The following GRM7 variants were observed in gnomAD, a reference collection of about 807,000 sequenced individuals.
GRM7 encodes glutamate metabotropic receptor 7, also known as metabotropic glutamate receptor 7.
A neutral mutation model predicts 84.5 loss-of-function variants in GRM7; 35 were observed. The observed-to-expected ratio is 0.41, with a 90% CI of 0.32 to 0.55. The LOEUF is 0.55. Ranked by LOEUF, GRM7 falls within the 20% of genes least tolerant of loss-of-function variation. The probability of loss-of-function intolerance (pLI) is 0.19; values close to 1 mark genes in which losing one functional copy is unlikely to be tolerated. For synonymous variants in GRM7, 487 were observed against 455.1 expected (o/e 1.07, Z -0.89); for missense variants, 1,003 against 1,194.6 (o/e 0.84, Z 2.36).
At chr3:7,662,947 C>T (rs538067908) in intron 8 of GRM7, among the ~76,000 whole-genome samples, 4 of 152,266 alleles carry the variant, frequency 2.6e-5, no homozygotes, top group African/African-American at 9.6e-5. Context: ...TGTGTCTTTT[C>T]TGAGAGATGC....
intron 1 of GRM7, among the ~76,000 whole-genome samples, chr3:7,058,718 A>AG (rs1697320677): frequency 6.6e-6 from 1 of 151,868 alleles, no homozygotes; most frequent in Admixed American, 6.6e-5. Flanking sequence ...TACCGAACAA[A>AG]GGAGACAGGG....
intron 1 of GRM7, among the ~76,000 whole-genome samples, chr3:7,077,895 A>G (rs1265432106): frequency 6.6e-6 from 1 of 152,146 alleles, no homozygotes; most frequent in Non-Finnish European, 1.5e-5. Context: ...TAATATGACA[A>G]TACAGTGCTA....
In GRM7 at chr3:6,861,787, C is replaced by T. The variant is rs570680005; in HGVS notation, c.399C>T (p.Asp133=). ...CGCTCATCCAGAAGGACACCTCCGA[C>T]GTGCGCTGCACCAACGGCGAACCGC... ...VQALIQKDTS[D]VRCTNGEPPV... The change falls in exon 1 of 10, where the codon GAC becomes GAT. Residue 133 remains aspartate, a synonymous_variant. Transcript: ENST00000357716. This position sits in a 1 kb window ranked among gnomAD's most constrained non-coding sequence, Gnocchi z 6.4. The T allele has an allele frequency of 1.2e-6, 2 of 1,614,104 alleles. No individual in the cohort carries two copies. Among genetic ancestry groups the T allele is most frequent in the Non-Finnish European group, 8.5e-7 (1 of 1,180,054 alleles).
intron 4 of GRM7, among the ~76,000 whole-genome samples, chr3:7,344,566 T>C (rs898364571): frequency 6.6e-6 from 1 of 152,194 alleles, no homozygotes; most frequent in Non-Finnish European, 1.5e-5. Context: ...GAAATGCCTA[T>C]GCAGATAATT....
intron 1 of GRM7, among the ~76,000 whole-genome samples, chr3:6,886,391 T>G (rs1358134178): frequency 1.3e-5 from 2 of 152,128 alleles, no homozygotes; most frequent in Non-Finnish European, 2.9e-5. Context: ...AAATACCTAA[T>G]GTAAATGATG....
chr3:7,240,523 T>G (rs1335609558), intron 2 of GRM7, among the ~76,000 whole-genome samples: 1 of 152,176 alleles, frequency 6.6e-6, no homozygotes, highest in East Asian at 1.9e-4. Flanking sequence ...TAAGATATGG[T>G]TGAATATTGG....
intron 2 of GRM7, among the ~76,000 whole-genome samples, chr3:7,182,887 C>T (rs908696052): frequency 5.7e-5 from 8 of 139,342 alleles, no homozygotes; most frequent in East Asian, 2.1e-4. Context: ...TTAGGCGTAA[C>T]GTGAAAGTGT....
At chr3:7,464,254 G>T (rs1559341233) in intron 7 of GRM7, among the ~76,000 whole-genome samples, 3 of 151,906 alleles carry the variant, frequency 2.0e-5, no homozygotes, top group African/African-American at 7.3e-5. Context: ...GGATACATAT[G>T]TAACGTGAGG....
intron 4 of GRM7, among the ~76,000 whole-genome samples, chr3:7,352,057 CCACACACACACACA>C (rs56873432): frequency 4.0e-4 from 55 of 136,962 alleles, no homozygotes; most frequent in Admixed American, 8.9e-4. Context: ...CACACACACA[CCACACACACACACA>C]CACACACACA....
chr3:6,945,657 G>C (rs1698049957), intron 1 of GRM7, among the ~76,000 whole-genome samples: 2 of 152,120 alleles, frequency 1.3e-5, no homozygotes, highest in Non-Finnish European at 2.9e-5. Flanking sequence ...CACAATGGTT[G>C]AACTAGTTTA....
intron 4 of GRM7, 64 bp downstream of exon 4, chr3:7,306,716 C>T: frequency 7.2e-7 from 1 of 1,384,972 alleles, no homozygotes; most frequent in Non-Finnish European, 9.8e-7. Context: ...AATGGCCAAG[C>T]ATGTGACTTT....
At chr3:7,469,124 A>G (rs1163601868) in intron 7 of GRM7, among the ~76,000 whole-genome samples, 1 of 152,238 alleles carries the variant, frequency 6.6e-6, no homozygotes, top group African/African-American at 2.4e-5. Flanking sequence ...CAGTTAAACT[A>G]TACACATTAC....
intron 5 of GRM7, among the ~76,000 whole-genome samples, chr3:7,419,479 A>G (rs1021379725): frequency 6.6e-6 from 1 of 152,130 alleles, no homozygotes; most frequent in African/African-American, 2.4e-5. Context: ...TCAACATCTC[A>G]TATCCCAACA....
At chr3:7,461,487 T>G (rs7637067) in intron 6 of GRM7, 96 bp from the exon 7 acceptor site, 1 of 1,022,004 alleles carries the variant, frequency 9.8e-7, no homozygotes, top group Admixed American at 1.9e-5. Flanking sequence ...TAACTACCTT[T>G]CTCCTCGTTA....
chr3:7,306,995 A>G (rs1700216762), intron 4 of GRM7, among the ~76,000 whole-genome samples: 1 of 152,180 alleles, frequency 6.6e-6, no homozygotes, highest in Non-Finnish European at 1.5e-5. Context: ...TTCCAAGAGA[A>G]TCCTTTCACT....
At chr3:7,082,212 C>T (rs376225725) in intron 1 of GRM7, among the ~76,000 whole-genome samples, 1 of 152,086 alleles carries the variant, frequency 6.6e-6, no homozygotes, top group African/African-American at 2.4e-5. Flanking sequence ...CAGGTTGACT[C>T]TCTTGTTAGG....
chr3:7,604,761 T>C (rs1376997401), intron 8 of GRM7, among the ~76,000 whole-genome samples: 3 of 152,118 alleles, frequency 2.0e-5, no homozygotes, highest in Non-Finnish European at 4.4e-5. Flanking sequence ...CAAATACATA[T>C]TCTGTCATGT....
intron 8 of GRM7, among the ~76,000 whole-genome samples, chr3:7,612,399 G>A (rs1399126494): frequency 6.6e-6 from 1 of 152,196 alleles, no homozygotes; most frequent in Non-Finnish European, 1.5e-5. Context: ...AAGATGTGGA[G>A]AAGTCAAAGA....
At chr3:7,555,842 A>T (rs1693728656) in intron 7 of GRM7, among the ~76,000 whole-genome samples, 1 of 152,162 alleles carries the variant, frequency 6.6e-6, no homozygotes, top group South Asian at 2.1e-4. Flanking sequence ...TAGCTGTCTC[A>T]CTATGCAGTG....
Sources: allele counts gnomAD v4.1 joint callset (sites outside exome capture counted in the v4.1 genomes callset), GRCh38; gene constraint gnomAD v4.1.1; non-coding constraint Gnocchi (gnomAD v3.1); transcripts MANE v1.5; gene names NCBI Gene and HGNC (gene_info 2026-07-23, HGNC 2026-07-21).